The following NEDD4L variants were observed in gnomAD, a reference collection of about 807,000 sequenced individuals.
The protein encoded by NEDD4L is E3 ubiquitin-protein ligase NEDD4-like.
In NEDD4L, 54 loss-of-function variants were observed where a neutral mutation model predicts 148.9. The ratio of observed to expected loss-of-function variants is 0.36; its 90% CI spans 0.29 to 0.45. NEDD4L has a LOEUF of 0.45. NEDD4L is among the 20% of genes least tolerant of loss of function. The pLI is 1.00. For missense variants in NEDD4L, 856 were observed against 1,233.8 expected, an observed-to-expected ratio of 0.69 and a Z score of 4.59; for synonymous variants, 433 against 440.7, an observed-to-expected ratio of 0.98 and a Z score of 0.22.
intron 16 of NEDD4L, 143 bp downstream of exon 16, chr18:58,343,246 T>G: frequency 8.4e-6 from 2 of 239,284 alleles, no homozygotes; most frequent in South Asian, 5.3e-5. Flanking sequence ...AGCCTGCATC[T>G]GGCCCCTGCA....
At chr18:58,052,809 T>C (rs2081934729) in intron 1 of NEDD4L, among the ~76,000 whole-genome samples, 1 of 152,062 alleles carries the variant, frequency 6.6e-6, no homozygotes. Flanking sequence ...CTACTAAAAA[T>C]ACAAAAATTA....
intron 24 of NEDD4L, among the ~76,000 whole-genome samples, chr18:58,381,840 C>A (rs1482720670): frequency 6.6e-6 from 1 of 152,166 alleles, no homozygotes; most frequent in Non-Finnish European, 1.5e-5. Flanking sequence ...ACCCCACCCC[C>A]AAGTGGAAGC....
intron 1 of NEDD4L, among the ~76,000 whole-genome samples, chr18:58,106,279 T>C (rs1460321067): frequency 1.3e-5 from 2 of 152,270 alleles, no homozygotes; most frequent in African/African-American, 4.8e-5. Flanking sequence ...TTGTACCTAC[T>C]CTTAAGTCTT....
At chr18:58,385,631 C>T (rs200728379) in intron 26 of NEDD4L, 45 bp downstream of exon 26, 9 of 1,493,924 alleles carry the variant, frequency 6.0e-6, no homozygotes, top group Admixed American at 3.3e-5. Context: ...CCTCTGGTCC[C>T]GGGTCGATGG....
intron 1 of NEDD4L, among the ~76,000 whole-genome samples, chr18:58,107,910 G>C (rs537797665): frequency 6.6e-5 from 10 of 152,040 alleles, no homozygotes; most frequent in African/African-American, 2.4e-4. Context: ...AGTAAAGATG[G>C]GGTTTTGCCA....
At chr18:58,053,047 A>G (rs1781432893) in intron 1 of NEDD4L, among the ~76,000 whole-genome samples, 1 of 152,168 alleles carries the variant, frequency 6.6e-6, no homozygotes, top group African/African-American at 2.4e-5. Context: ...CATGAAGAGG[A>G]TGAACAAACC....
chr18:58,302,771 C>T (rs1051502499), intron 5 of NEDD4L, among the ~76,000 whole-genome samples: 70 of 152,294 alleles, frequency 4.6e-4, no homozygotes, highest in African/African-American at 1.7e-3. Context: ...GGATTGGTGC[C>T]CATTTAGCTA....
At chr18:58,254,618 GTTGT>G (rs1002595905) in intron 5 of NEDD4L, among the ~76,000 whole-genome samples, 15 of 143,862 alleles carry the variant, frequency 1.0e-4, no homozygotes, top group Non-Finnish European at 1.5e-4. Context: ...TTTGTTTTTT[GTTGT>G]TTGTTTGTTT....
At chr18:58,382,688 A>C (rs972970025) in intron 24 of NEDD4L, among the ~76,000 whole-genome samples, 1 of 152,106 alleles carries the variant, frequency 6.6e-6, no homozygotes, top group East Asian at 1.9e-4. Context: ...TAAGGGAGGA[A>C]GCTTCAGGGC....
chr18:58,053,669 G>A (rs943770036), intron 1 of NEDD4L, among the ~76,000 whole-genome samples: 2 of 152,126 alleles, frequency 1.3e-5, no homozygotes, highest in African/African-American at 4.8e-5. Context: ...TTAGCTCTTC[G>A]TCTCTTGGGT....
chr18:58,171,864 A>G lies in NEDD4L; in HGVS notation c.122+6003A>G, dbSNP rs548578349. The stretch of plus-strand genomic sequence containing the variant: ...AGCATAGAGAGAAGAGGTTAAGGGA[A>G]GCAAGCTCAAGAGTGGGCTCAGAGA... On this transcript the variant is annotated intron_variant, in intron 2 of 30. Transcript: ENST00000400345. 1.6e-4 allele frequency among the ~76,000 whole-genome samples: 24 copies of G among 152,356 alleles called. No homozygotes were observed. The South Asian group carries it at 4.6e-3, about 29-fold the overall frequency.
intron 2 of NEDD4L, among the ~76,000 whole-genome samples, chr18:58,214,608 TG>T (rs1160746798): frequency 2.0e-4 from 1 of 4,952 alleles, no homozygotes; most frequent in Non-Finnish European, 8.9e-3. Context: ...CTGCTCGGTT[TG>T]TGTGTGTGTG....
chr18:58,238,206 C>A (rs1367016488), intron 2 of NEDD4L, among the ~76,000 whole-genome samples: 1 of 152,148 alleles, frequency 6.6e-6, no homozygotes, highest in East Asian at 1.9e-4. Flanking sequence ...ATGCTTCATA[C>A]CTTTCAGTAA....
At chr18:58,204,065 G>A (rs1031953198) in intron 2 of NEDD4L, among the ~76,000 whole-genome samples, 21 of 152,106 alleles carry the variant, frequency 1.4e-4, no homozygotes, top group Non-Finnish European at 1.0e-4. Context: ...GGTGGCTGAC[G>A]CCTGTAATCC....
rs572296508 is a variant in NEDD4L at position 58,056,683 on chromosome 18, C to T, written c.48+11975C>T. Among the ~76,000 whole-genome samples, 78 of 152,188 alleles carry T rather than the reference C, an allele frequency of 5.1e-4. 1 individual carries two copies. Among genetic ancestry groups the T allele is most frequent in the South Asian group, 1.7e-3 (8 of 4,814 alleles). On this transcript the variant is annotated intron_variant, in intron 1 of 30. Transcript: ENST00000400345. ...GCAACCTCCACCTCCTGGGTTTAAGCGATTCTCCTGCCCCATCCTCCCGAG... is the reference window on the plus strand; with the variant it reads ...GCAACCTCCACCTCCTGGGTTTAAGTGATTCTCCTGCCCCATCCTCCCGAG...
chr18:58,356,381 T>C (rs1453835628), intron 18 of NEDD4L, among the ~76,000 whole-genome samples: 2 of 151,514 alleles, frequency 1.3e-5, no homozygotes, highest in Non-Finnish European at 1.5e-5. Context: ...GTACCTTTCA[T>C]GTGAGTCCAT....
At chr18:58,104,847 C>T (rs2084970703) in intron 1 of NEDD4L, among the ~76,000 whole-genome samples, 1 of 151,788 alleles carries the variant, frequency 6.6e-6, no homozygotes, top group Non-Finnish European at 1.5e-5. Flanking sequence ...TCACTACACC[C>T]CCGCCCCCCA....
chr18:58,111,094 G>T (rs1416642599), intron 1 of NEDD4L, among the ~76,000 whole-genome samples: 1 of 152,186 alleles, frequency 6.6e-6, no homozygotes. Flanking sequence ...TGTTGAGACA[G>T]AGTCTCACTG....
rs1335900012 is a variant in NEDD4L at position 58,132,754 on chromosome 18, C to T, written c.49-33034C>T. On this transcript the variant is annotated intron_variant, in intron 1 of 30. Coordinates refer to ENST00000400345, the MANE Select transcript of NEDD4L (RefSeq NM_001144967.3). ...TTTGAACTGAGCATTCCGTGTTATT[C>T]TCTTTTTTGTTTTTTTAAGGGGATG... Among the ~76,000 whole-genome samples, 5 of 152,234 alleles carry T rather than the reference C, an allele frequency of 3.3e-5. No homozygotes were observed. In the East Asian group the frequency reaches 7.7e-4, roughly 23 times the overall value.
Sources: allele counts gnomAD v4.1 joint callset (sites outside exome capture counted in the v4.1 genomes callset), GRCh38; gene constraint gnomAD v4.1.1; transcripts MANE v1.5; gene names NCBI Gene and HGNC (gene_info 2026-07-23, HGNC 2026-07-21).